The following RRAS2 variants were observed in gnomAD, a reference collection of about 807,000 sequenced individuals.
RRAS2 encodes the protein RAS related 2, also known as ras-related protein R-Ras2.
A neutral mutation model predicts 27.6 loss-of-function variants in RRAS2; 7 were observed. That is an observed-to-expected ratio of 0.25 (90% confidence interval 0.14 to 0.48). The LOEUF (loss-of-function observed/expected upper bound fraction) is 0.48, where lower values mean the gene tolerates loss of function less well. Among genes scored for constraint, RRAS2 ranks in the 20% least tolerant of loss-of-function variants. The probability of loss-of-function intolerance (pLI) is 0.99; values close to 1 mark genes in which losing one functional copy is unlikely to be tolerated. For missense variants in RRAS2, 178 were observed against 256.2 expected, an observed-to-expected ratio of 0.69 and a Z score of 2.08; for synonymous variants, 86 against 90.9, an observed-to-expected ratio of 0.95 and a Z score of 0.31.
intron 1 of RRAS2, among the ~76,000 whole-genome samples, chr11:14,350,776 C>T (rs1848932916): frequency 6.6e-6 from 1 of 152,058 alleles, no homozygotes; most frequent in South Asian, 2.1e-4. Context: ...TCAAAGGTGT[C>T]CTGAGCCGCA....
intron 1 of RRAS2, among the ~76,000 whole-genome samples, chr11:14,310,063 C>A (rs2133981988): frequency 6.6e-6 from 1 of 152,280 alleles, no homozygotes; most frequent in African/African-American, 2.4e-5. Context: ...TCCGTGTTTA[C>A]TTCCAAAGGA....
intron 4 of RRAS2, among the ~76,000 whole-genome samples, chr11:14,288,814 A>G (rs920733736): frequency 6.6e-6 from 1 of 152,242 alleles, no homozygotes; most frequent in African/African-American, 2.4e-5. Flanking sequence ...ACTACATTTC[A>G]GTGCTCAGAG....
At chr11:14,293,124 A>AGTATATAT (rs1376616443) in intron 4 of RRAS2, among the ~76,000 whole-genome samples, 11 of 76,798 alleles carry the variant, frequency 1.4e-4, no homozygotes, top group African/African-American at 4.4e-4. Flanking sequence ...AAACAAAACA[A>AGTATATAT]ATATATATAT....
rs530313008 is a variant in RRAS2 at position 14,309,912 on chromosome 11, T to A, written c.109-14057A>T. Among the ~76,000 whole-genome samples the A allele has an allele frequency of 9.2e-5, 14 of 152,310 alleles. No homozygotes were observed. The East Asian group carries it at 2.7e-3, about 29-fold the overall frequency. On this transcript the variant is annotated intron_variant, in intron 1 of 5. Transcript: ENST00000256196. ...AATGTTCTGACTTTCATATGAAAAG[T>A]AATACTGGCTGCAGTCAGAAGACTG...
intron 1 of RRAS2, among the ~76,000 whole-genome samples, chr11:14,327,411 A>T (rs1469451797): frequency 6.6e-6 from 1 of 152,230 alleles, no homozygotes; most frequent in Non-Finnish European, 1.5e-5. Context: ...CTTTCTACTT[A>T]CACATTGGGA....
intron 1 of RRAS2, among the ~76,000 whole-genome samples, chr11:14,309,650 G>C (rs569027351): frequency 2.0e-5 from 3 of 152,364 alleles, no homozygotes; most frequent in Non-Finnish European, 2.9e-5. Context: ...CTGTGATCTA[G>C]AGTATCATTC....
intron 1 of RRAS2, among the ~76,000 whole-genome samples, chr11:14,312,436 T>C (rs563924406): frequency 1.0e-3 from 158 of 152,284 alleles, no homozygotes; most frequent in African/African-American, 3.5e-3. Flanking sequence ...TTTTGTTATT[T>C]TTAGAGACAA....
intron 1 of RRAS2, among the ~76,000 whole-genome samples, chr11:14,300,554 T>C (rs1246054895): frequency 6.6e-6 from 1 of 152,096 alleles, no homozygotes; most frequent in Admixed American, 6.6e-5. Context: ...CACTCCAGCC[T>C]GAGCAACAAA....
At chr11:14,279,763 C>A (rs1436642620) in intron 5 of RRAS2, among the ~76,000 whole-genome samples, 1 of 152,122 alleles carries the variant, frequency 6.6e-6, no homozygotes, top group East Asian at 1.9e-4. Flanking sequence ...ATAAAATTAA[C>A]CTTATGAGGT....
At chr11:14,343,806 C>G (rs1381460906) in intron 1 of RRAS2, among the ~76,000 whole-genome samples, 1 of 151,892 alleles carries the variant, frequency 6.6e-6, no homozygotes, top group Admixed American at 6.6e-5. Context: ...TGCACTCCAG[C>G]CTGGGTGACA....
At chr11:14,307,034 T>C (rs968740104) in intron 1 of RRAS2, among the ~76,000 whole-genome samples, 1 of 151,400 alleles carries the variant, frequency 6.6e-6, no homozygotes, top group African/African-American at 2.4e-5. Flanking sequence ...CTACCCAAAA[T>C]ACAAAAATTA....
intron 1 of RRAS2, among the ~76,000 whole-genome samples, chr11:14,351,351 T>C (rs2134037026): frequency 1.3e-5 from 2 of 152,292 alleles, no homozygotes; most frequent in East Asian, 3.9e-4. Context: ...CTGGCAAATT[T>C]CAAACAAATT....
At chr11:14,293,161 A>ATC (rs1440514743) in intron 4 of RRAS2, among the ~76,000 whole-genome samples, 1 of 126,726 alleles carries the variant, frequency 7.9e-6, no homozygotes, top group Non-Finnish European at 1.7e-5. Flanking sequence ...ATATATATAT[A>ATC]TCATTTTCTC....
At chr11:14,292,810 A>G (rs1354145818) in intron 4 of RRAS2, among the ~76,000 whole-genome samples, 1 of 152,098 alleles carries the variant, frequency 6.6e-6, no homozygotes, top group Non-Finnish European at 1.5e-5. Flanking sequence ...CATTAAGATA[A>G]TATATCATTT....
chr11:14,303,507 CAGG>C (rs1554947675), intron 1 of RRAS2, among the ~76,000 whole-genome samples: 2 of 152,108 alleles, frequency 1.3e-5, no homozygotes, highest in Non-Finnish European at 2.9e-5. Flanking sequence ...GAGGCAGAGG[CAGG>C]AGGACTGCTT....
At chr11:14,288,516 C>T (rs782784402) in intron 4 of RRAS2, among the ~76,000 whole-genome samples, 1 of 152,166 alleles carries the variant, frequency 6.6e-6, no homozygotes, top group African/African-American at 2.4e-5. Flanking sequence ...CAAAAGAAAA[C>T]TGAAAGTTAC....
chr11:14,290,253 G>C (rs1849775324), intron 4 of RRAS2, among the ~76,000 whole-genome samples: 1 of 152,196 alleles, frequency 6.6e-6, no homozygotes, highest in African/African-American at 2.4e-5. Flanking sequence ...TTTGAGACCA[G>C]CCTGGCCAAC....
At chr11:14,342,716 G>T (rs566295141) in intron 1 of RRAS2, among the ~76,000 whole-genome samples, 50 of 152,202 alleles carry the variant, frequency 3.3e-4, no homozygotes, top group African/African-American at 1.2e-3. Context: ...TAAGAAAATA[G>T]AAGATGCCTA....
At chr11:14,361,522 C>A (rs782585809), upstream of RRAS2, among the ~76,000 whole-genome samples, 10 of 152,060 alleles carry the variant, frequency 6.6e-5, no homozygotes, top group Admixed American at 3.3e-4. Flanking sequence ...AGAGCGAGAC[C>A]CTGTCTCAAA....
Sources: gnomAD v4.1 joint callset for allele counts (sites outside exome capture counted in the v4.1 genomes callset) on GRCh38, gnomAD v4.1.1 for gene constraint, MANE v1.5 for transcripts, NCBI Gene and HGNC (gene_info 2026-07-23, HGNC 2026-07-21) for gene names.